Variants in CAMK1D observed in about 807,000 individuals in gnomAD.
CAMK1D encodes calcium/calmodulin-dependent protein kinase type 1D.
A neutral mutation model predicts 47.7 loss-of-function variants in CAMK1D; 9 were observed. The ratio of observed to expected loss-of-function variants is 0.19; its 90% confidence interval spans 0.11 to 0.33. The LOEUF is 0.33. Ranked by LOEUF, CAMK1D falls within the 10% of genes least tolerant of loss-of-function variation. The pLI is 1.00. For synonymous variants in CAMK1D, 184 were observed against 184.9 expected (o/e 0.99, Z 0.04); for missense variants, 291 against 488.7 (o/e 0.60, Z 3.81).
intron 2 of CAMK1D, among the ~76,000 whole-genome samples, chr10:12,632,751 G>C (rs190982276): frequency 2.3e-4 from 35 of 152,228 alleles, no homozygotes; most frequent in Admixed American, 7.2e-4. Flanking sequence ...CTGGACTGCA[G>C]TGGCATGATC....
intron 3 of CAMK1D, among the ~76,000 whole-genome samples, chr10:12,695,053 T>C (rs1392253054): frequency 8.0e-6 from 1 of 125,350 alleles, no homozygotes; most frequent in Non-Finnish European, 1.8e-5. Context: ...GATAGATAGA[T>C]AGATAGATAG....
At chr10:12,664,572 G>C (rs1235926135) in intron 2 of CAMK1D, among the ~76,000 whole-genome samples, 3 of 152,200 alleles carry the variant, frequency 2.0e-5, no homozygotes, top group Non-Finnish European at 4.4e-5. Context: ...GGCTCAGACA[G>C]CCTTCTTGAC....
At chr10:12,491,563 C>G (rs1834383592) in intron 1 of CAMK1D, among the ~76,000 whole-genome samples, 3 of 152,054 alleles carry the variant, frequency 2.0e-5, no homozygotes, top group Non-Finnish European at 4.4e-5. Context: ...TAAGTCAGCC[C>G]TAGGTGTCCT....
chr10:12,538,116 G>C (rs550828131), intron 1 of CAMK1D, among the ~76,000 whole-genome samples: 1 of 152,212 alleles, frequency 6.6e-6, no homozygotes, highest in African/African-American at 2.4e-5. Context: ...CCCGTGGAAA[G>C]GGGAAGGCAC....
rs372814953 is a variant in CAMK1D at position 12,511,893 on chromosome 10, C to G, written c.93-41332C>G. On this transcript the variant is annotated intron_variant, in intron 1 of 10. Transcript: ENST00000619168. The stretch of plus-strand genomic sequence containing the variant: ...TCTCCAGCAGTGGGGAGTATGTACC[C>G]GTCCTGTGAGCTTGGAGCTCCCTGG... Among the ~76,000 whole-genome samples, 7 of 152,288 alleles carry G rather than the reference C, an allele frequency of 4.6e-5. No homozygotes were observed. In the South Asian group the frequency reaches 1.5e-3, roughly 32 times the overall value.
At chr10:12,681,543 C>T (rs962902388) in intron 3 of CAMK1D, among the ~76,000 whole-genome samples, 3 of 152,390 alleles carry the variant, frequency 2.0e-5, no homozygotes, top group Non-Finnish European at 4.4e-5. Context: ...GAAATGAAAT[C>T]TCAGCCCATT....
At chr10:12,425,204 C>T (rs1302775544) in intron 1 of CAMK1D, among the ~76,000 whole-genome samples, 1 of 152,156 alleles carries the variant, frequency 6.6e-6, no homozygotes, top group African/African-American at 2.4e-5. Flanking sequence ...CCACTTAAAT[C>T]CCATCCCATC....
intron 3 of CAMK1D, among the ~76,000 whole-genome samples, chr10:12,678,078 G>A (rs975014794): frequency 8.6e-5 from 13 of 151,790 alleles, no homozygotes; most frequent in African/African-American, 2.2e-4. Flanking sequence ...AGGTTCAACT[G>A]TATGAAGTTG....
At chr10:12,467,018 C>T (rs1382936040) in intron 1 of CAMK1D, among the ~76,000 whole-genome samples, 1 of 152,118 alleles carries the variant, frequency 6.6e-6, no homozygotes, top group Non-Finnish European at 1.5e-5. Flanking sequence ...TGCCCTCGAA[C>T]TCAGGTTGAA....
At chr10:12,647,175 A>G (rs1588729394) in intron 2 of CAMK1D, among the ~76,000 whole-genome samples, 2 of 80,146 alleles carry the variant, frequency 2.5e-5, no homozygotes, top group Non-Finnish European at 4.8e-5. Flanking sequence ...TTTGAAATGG[A>G]GTCTCACTCT....
rs1389881471 is a variant in CAMK1D at position 12,527,849 on chromosome 10, A to ATTAGTGGGCGGCATGGG, written c.93-25366_93-25350dup. On this transcript the variant is annotated intron_variant, in intron 1 of 10. Coordinates refer to ENST00000619168, the MANE Select transcript of CAMK1D (RefSeq NM_153498.4). ...ATTCTGTGCAGAAATTTAACCTGTA[A>ATTAGTGGGCGGCATGGG]TTAGTGGGCGGCATGGGTTAGTGGG... 9.2e-5 allele frequency among the ~76,000 whole-genome samples: 14 copies of ATTAGTGGGCGGCATGGG among 152,306 alleles called. No homozygotes were observed. In the South Asian group the frequency reaches 1.5e-3, roughly 16 times the overall value.
intron 1 of CAMK1D, among the ~76,000 whole-genome samples, chr10:12,377,969 G>A (rs1236366654): frequency 1.3e-5 from 2 of 152,250 alleles, no homozygotes; most frequent in African/African-American, 4.8e-5. Flanking sequence ...GAGCCAAGCT[G>A]TTGAACATTC....
intron 1 of CAMK1D, among the ~76,000 whole-genome samples, chr10:12,543,022 C>G (rs1349385478): frequency 2.0e-5 from 3 of 151,986 alleles, no homozygotes; most frequent in Non-Finnish European, 2.9e-5. Context: ...GTTGGGATTA[C>G]AGGCGTGAGC....
chr10:12,396,493 A>G (rs979689206), intron 1 of CAMK1D, among the ~76,000 whole-genome samples: 3 of 152,056 alleles, frequency 2.0e-5, no homozygotes, highest in Non-Finnish European at 2.9e-5. Flanking sequence ...CCTTTTTGCC[A>G]TATGCTGTGG....
intron 2 of CAMK1D, among the ~76,000 whole-genome samples, chr10:12,608,537 C>T (rs1336708848): frequency 6.6e-6 from 1 of 152,234 alleles, no homozygotes; most frequent in Non-Finnish European, 1.5e-5. Context: ...ATATTTGTCA[C>T]TCAGGCACTG....
intron 1 of CAMK1D, among the ~76,000 whole-genome samples, chr10:12,434,058 A>G (rs915840268): frequency 1.3e-5 from 2 of 151,792 alleles, no homozygotes; most frequent in African/African-American, 2.4e-5. Flanking sequence ...GCAGCCTTGA[A>G]CTCCTGGGCT....
chr10:12,477,167 G>A (rs1286953332), intron 1 of CAMK1D, among the ~76,000 whole-genome samples: 1 of 152,182 alleles, frequency 6.6e-6, no homozygotes, highest in Non-Finnish European at 1.5e-5. Context: ...TGTAATCCCA[G>A]CACTTTGGGA....
chr10:12,825,671 T>A lies in CAMK1D; in HGVS notation c.1020T>A (p.Ser340Arg), dbSNP rs764713214. 6 of 1,614,228 alleles carry A rather than the reference T, an allele frequency of 3.7e-6. No homozygotes were observed. The South Asian group carries it at 6.6e-5, about 18-fold the overall frequency. ...ATGCAAGTGTTTCGAGCAGCCTCAGTTTGGCCAGCCAAAAAGACTGTGCGT... is the reference window on the plus strand; with the variant it reads ...ATGCAAGTGTTTCGAGCAGCCTCAGATTGGCCAGCCAAAAAGACTGTGCGT... ...SSNASVSSSL[S>R]LASQKDCLAP... is the part of the protein sequence containing the mutation. Residue 340 changes from serine (S) to arginine (R), a missense_variant, in exon 10 of 11, where the codon AGT becomes AGA. Ser to Arg is a moderately radical substitution (Grantham distance 110). Transcript: ENST00000619168.
intron 2 of CAMK1D, among the ~76,000 whole-genome samples, chr10:12,617,855 C>T (rs533214964): frequency 2.0e-5 from 3 of 152,128 alleles, no homozygotes; most frequent in Admixed American, 6.5e-5. Context: ...CCTGATAGAA[C>T]TTTTTCCAAA....
Sources: gnomAD v4.1 joint callset for allele counts (sites outside exome capture counted in the v4.1 genomes callset) on GRCh38, gnomAD v4.1.1 for gene constraint, MANE v1.5 for transcripts, NCBI Gene and HGNC (gene_info 2026-07-23, HGNC 2026-07-21) for gene names.